Variants in DIP2A observed in about 807,000 individuals in gnomAD.
The protein encoded by DIP2A is disco-interacting protein 2 homolog A.
DIP2A carries 85 observed loss-of-function variants against 177.4 expected under a neutral mutation model. The ratio of observed to expected loss-of-function variants is 0.48; its 90% CI spans 0.40 to 0.57. DIP2A has a LOEUF of 0.57. Among genes scored for constraint, DIP2A ranks in the 20% least tolerant of loss-of-function variants. DIP2A has a pLI of 0.00. For missense variants in DIP2A, 1,791 were observed against 2,100.2 expected (o/e 0.85, Z 2.88); for synonymous variants, 886 against 881.8 (o/e 1.00, Z -0.08).
At chr21:46,479,986 C>T (rs946190690) in intron 1 of DIP2A, among the ~76,000 whole-genome samples, 4 of 151,854 alleles carry the variant, frequency 2.6e-5, no homozygotes, top group Admixed American at 6.6e-5. Flanking sequence ...ATGGTGCCAC[C>T]GTGCAAAATA....
At chr21:46,515,520 T>C (rs1406390647) in intron 8 of DIP2A, among the ~76,000 whole-genome samples, 2 of 152,060 alleles carry the variant, frequency 1.3e-5, no homozygotes, top group Non-Finnish European at 2.9e-5. Flanking sequence ...AAGTGTAAGA[T>C]ATTACTACCA....
At chr21:46,489,366 C>T (rs1340026469) in intron 2 of DIP2A, among the ~76,000 whole-genome samples, 1 of 152,214 alleles carries the variant, frequency 6.6e-6, no homozygotes, top group Non-Finnish European at 1.5e-5. Context: ...GGGCCAACAT[C>T]CTGTGAGGGC....
intron 23 of DIP2A, 100 bp downstream of exon 23, chr21:46,550,844 C>G: frequency 8.1e-7 from 1 of 1,230,358 alleles, no homozygotes. Flanking sequence ...GTGCCAACTG[C>G]CCACGTCTTT....
downstream of DIP2A, among the ~76,000 whole-genome samples, chr21:46,571,663 T>C (rs2060968967): frequency 6.6e-6 from 1 of 152,206 alleles, no homozygotes; most frequent in Non-Finnish European, 1.5e-5. Flanking sequence ...TAGTAGCAAT[T>C]GTGAATGGGA....
In DIP2A at chr21:46,551,758, C is replaced by T; in HGVS notation, c.2949+15C>T. 1 of 1,613,840 alleles carries T rather than the reference C, an allele frequency of 6.2e-7. No homozygotes were observed. Among genetic ancestry groups the T allele is most frequent in the Non-Finnish European group, 8.5e-7 (1 of 1,179,834 alleles). The stretch of plus-strand genomic sequence containing the variant: ...AGGCACGGAAGGTGACAGGCCAGTT[C>T]CGGGGACGGGTGGACGGGTGTCTGT... On this transcript the variant is annotated intron_variant, in intron 24 of 37. Coordinates refer to ENST00000417564, the MANE Select transcript of DIP2A (RefSeq NM_015151.4).
intron 9 of DIP2A, among the ~76,000 whole-genome samples, chr21:46,530,917 G>A (rs1263549774): frequency 6.6e-6 from 1 of 152,184 alleles, no homozygotes; most frequent in Non-Finnish European, 1.5e-5. Flanking sequence ...CAGACATTCA[G>A]AGGGAATATA....
At chr21:46,499,863 C>CA (rs1430753403) in intron 5 of DIP2A, among the ~76,000 whole-genome samples, 1 of 152,188 alleles carries the variant, frequency 6.6e-6, no homozygotes, top group African/African-American at 2.4e-5. Flanking sequence ...TGAGATCAGA[C>CA]AGCAGCCTTA....
In DIP2A at chr21:46,461,147, A is replaced by C. The variant is rs2054264179; in HGVS notation, c.91+1925A>C. Among the ~76,000 whole-genome samples, 3 of 151,778 alleles carry C rather than the reference A, an allele frequency of 2.0e-5. No individual in the cohort carries two copies. In the South Asian group the frequency reaches 6.3e-4, roughly 32 times the overall value. ...ACTCTGTCTCTACAGTATTAAAAAA[A>C]ATTAGCTGGGCATGGTGGTGTGCAC... is the stretch of plus-strand genomic sequence containing the variant. On this transcript the variant is annotated intron_variant, in intron 1 of 37. Transcript: ENST00000417564.
intron 16 of DIP2A, 143 bp downstream of exon 16, chr21:46,538,745 G>A (rs530286577): frequency 5.0e-6 from 6 of 1,209,302 alleles, no homozygotes; most frequent in Admixed American, 2.6e-5. Flanking sequence ...TCTATGACAC[G>A]GAACATCTTG....
At chr21:46,576,592 C>G in the DIP2A span, among the ~76,000 whole-genome samples, 3 of 152,094 alleles carry the variant, frequency 2.0e-5, no homozygotes, top group African/African-American at 7.2e-5. Context: ...CATACATGTG[C>G]ATATATTTTT....
At chr21:46,538,796 T>G in intron 16 of DIP2A, 194 bp downstream of exon 16, 1 of 799,734 alleles carries the variant, frequency 1.3e-6, no homozygotes, top group South Asian at 1.9e-5. Context: ...ATTAGGCCAC[T>G]AAATTTAAAA....
chr21:46,516,392 C>T (rs1484673180), intron 8 of DIP2A, among the ~76,000 whole-genome samples: 4 of 141,998 alleles, frequency 2.8e-5, no homozygotes, highest in African/African-American at 1.0e-4. Flanking sequence ...TTTTAATGTT[C>T]TTTTTTATAT....
chr21:46,486,515 T>C (rs2056707530), intron 2 of DIP2A, among the ~76,000 whole-genome samples: 1 of 152,178 alleles, frequency 6.6e-6, no homozygotes, highest in Non-Finnish European at 1.5e-5. Flanking sequence ...AGTTTAAACT[T>C]AATAGCCAGA....
intron 5 of DIP2A, among the ~76,000 whole-genome samples, chr21:46,501,550 G>A (rs571638750): frequency 1.7e-4 from 26 of 152,224 alleles, no homozygotes; most frequent in African/African-American, 5.5e-4. Context: ...CTCCTGAGCA[G>A]CTGGGACTAT....
chr21:46,507,250 T>G (rs2330590), intron 6 of DIP2A, among the ~76,000 whole-genome samples: 102,717 of 152,072 alleles, frequency 0.68, 34,839 homozygotes, highest in East Asian at 0.78. Flanking sequence ...TTTTTTTATA[T>G]ATTGTGCTTT....
At chr21:46,564,597 CCTAGTCCTAT>C (rs1429882932) in intron 35 of DIP2A, among the ~76,000 whole-genome samples, 1 of 152,216 alleles carries the variant, frequency 6.6e-6, no homozygotes, top group Non-Finnish European at 1.5e-5. Flanking sequence ...GACTCACGTT[CCTAGTCCTAT>C]CCTCTTGGGG....
chr21:46,499,979 G>C (rs921536966), intron 5 of DIP2A, among the ~76,000 whole-genome samples: 4 of 152,204 alleles, frequency 2.6e-5, no homozygotes, highest in African/African-American at 9.6e-5. Flanking sequence ...TGACACGCTG[G>C]TGTTTGTGCT....
In DIP2A at chr21:46,554,454, C is replaced by A. The variant is rs942427788; in HGVS notation, c.3155-121C>A. ...CTCAGCTCAGCTACCCCTGTGGAAA[C>A]CCAGGAGTCACCCATGCCCCCCCAG... On this transcript the variant is annotated intron_variant, in intron 26 of 37. Coordinates refer to ENST00000417564, the MANE Select transcript of DIP2A (RefSeq NM_015151.4). The A allele has an allele frequency of 1.4e-5, 22 of 1,541,826 alleles. No homozygotes were observed. In the South Asian group the frequency reaches 2.7e-4, roughly 19 times the overall value.
rs768790875 is a variant in DIP2A at position 46,498,852 on chromosome 21, C to T, written c.655+19C>T. The T allele has an allele frequency of 2.3e-5, 36 of 1,597,730 alleles. No homozygotes were observed. The highest frequency in any genetic ancestry group is 1.1e-4 in the African/African-American group (8 of 74,720). On this transcript the variant is annotated intron_variant, in intron 5 of 37. Coordinates refer to ENST00000417564, the MANE Select transcript of DIP2A (RefSeq NM_015151.4). The surrounding 1 kb of genome is among the most constrained non-coding windows in gnomAD (Gnocchi z 4.3). Reference sequence around the variant, plus strand: ...CACATAGGTCAGTAATAAGCTGCTGCGGCCCCTGTGCCAGCAGAGCGGGGT... The same window carrying T: ...CACATAGGTCAGTAATAAGCTGCTGTGGCCCCTGTGCCAGCAGAGCGGGGT...
Sources: allele counts gnomAD v4.1 joint callset (sites outside exome capture counted in the v4.1 genomes callset), GRCh38; gene constraint gnomAD v4.1.1; non-coding constraint Gnocchi (gnomAD v3.1); transcripts MANE v1.5; gene names NCBI Gene and HGNC (gene_info 2026-07-23, HGNC 2026-07-21).